Variants in ADAMTSL1 observed in about 807,000 individuals in gnomAD.
ADAMTSL1 encodes ADAMTS-like protein 1.
Under a neutral mutation model 201.8 loss-of-function variants are expected in ADAMTSL1, and 126 were observed. The observed-to-expected ratio is 0.62, with a 90% CI of 0.54 to 0.72. The LOEUF (loss-of-function observed/expected upper bound fraction) is 0.72, where lower values mean the gene tolerates loss of function less well. ADAMTSL1 is among the 30% of genes least tolerant of loss of function. ADAMTSL1 has a pLI of 0.00. For synonymous variants in ADAMTSL1, 1,121 were observed against 903.4 expected, an observed-to-expected ratio of 1.24 and a Z score of -4.32; for missense variants, 2,679 against 2,277.8, an observed-to-expected ratio of 1.18 and a Z score of -3.59.
At chr9:18,591,244 C>T (rs1668503413) in intron 4 of ADAMTSL1, among the ~76,000 whole-genome samples, 1 of 152,126 alleles carries the variant, frequency 6.6e-6, no homozygotes, top group African/African-American at 2.4e-5. Context: ...CATCCTCTTG[C>T]TGAATTAACT....
chr9:17,940,728 G>GAAAAAAAAAAAAAAAAAAGA (rs201856497), intron 1 of ADAMTSL1, among the ~76,000 whole-genome samples: 1 of 79,456 alleles, frequency 1.3e-5, no homozygotes, highest in Non-Finnish European at 2.4e-5. Flanking sequence ...AAAAAAAAAA[G>GAAAAAAAAAAAAAAAAAAGA]AAAAAAAAGA....
intron 1 of ADAMTSL1, among the ~76,000 whole-genome samples, chr9:18,494,594 T>C (rs1822437103): frequency 6.6e-6 from 1 of 152,138 alleles, no homozygotes; most frequent in African/African-American, 2.4e-5. Context: ...TACTGAAGTG[T>C]AGAGGCCATG....
Position 18,606,155 on chromosome 9 carries a change from C to T in ADAMTSL1, c.475-16088C>T, listed in dbSNP as rs116632719. The stretch of plus-strand genomic sequence containing the variant: ...CTCCCTCTCCCTCCTCCCCTCTCCT[C>T]AGTCATGCCAACTGCTACTGGAGAT... On this transcript the variant is annotated intron_variant, in intron 4 of 28. Transcript: ENST00000380548. Among the ~76,000 whole-genome samples the T allele has an allele frequency of 7.1e-3, 1,086 of 152,290 alleles. 13 individuals are homozygous for T. The highest frequency in any genetic ancestry group is 0.025 in the African/African-American group (1,035 of 41,562).
At chr9:18,575,654 A>C (rs1298104258) in intron 4 of ADAMTSL1, among the ~76,000 whole-genome samples, 2 of 152,212 alleles carry the variant, frequency 1.3e-5, no homozygotes, top group African/African-American at 4.8e-5. Flanking sequence ...AATGGCAAAC[A>C]AAAGAATAAT....
At chr9:18,143,221 C>T (rs1230875687) in intron 1 of ADAMTSL1, among the ~76,000 whole-genome samples, 2 of 152,196 alleles carry the variant, frequency 1.3e-5, no homozygotes, top group Non-Finnish European at 2.9e-5. Flanking sequence ...TCTGGATTGG[C>T]ATGTTCCCCT....
chr9:18,129,118 A>C (rs1004334276), intron 1 of ADAMTSL1, among the ~76,000 whole-genome samples: 1 of 152,200 alleles, frequency 6.6e-6, no homozygotes, highest in Non-Finnish European at 1.5e-5. Context: ...AGTGAAGAAT[A>C]AACTCTGGTC....
At chr9:18,171,509 A>G (rs943699124) in intron 2 of ADAMTSL1, among the ~76,000 whole-genome samples, 2 of 152,128 alleles carry the variant, frequency 1.3e-5, no homozygotes, top group African/African-American at 4.8e-5. Flanking sequence ...GCTGGAAGGT[A>G]TTCTTTGCAA....
chr9:18,180,120 T>A (rs1447198021), intron 2 of ADAMTSL1, among the ~76,000 whole-genome samples: 5 of 152,070 alleles, frequency 3.3e-5, no homozygotes, highest in African/African-American at 1.2e-4. Flanking sequence ...TGTGCTGTAT[T>A]CAGGAAACCC....
chr9:18,658,715 T>A (rs1272950811), intron 8 of ADAMTSL1, among the ~76,000 whole-genome samples: 3 of 152,242 alleles, frequency 2.0e-5, no homozygotes, highest in Non-Finnish European at 4.4e-5. Flanking sequence ...CATTTTCTGC[T>A]CATCATAATT....
intron 23 of ADAMTSL1, among the ~76,000 whole-genome samples, chr9:18,844,402 T>C (rs539441369): frequency 1.3e-5 from 2 of 152,262 alleles, no homozygotes; most frequent in East Asian, 3.9e-4. Context: ...GAAAGTTTTG[T>C]CTCAGAGGAG....
intron 4 of ADAMTSL1, among the ~76,000 whole-genome samples, chr9:18,614,726 T>C (rs10810995): frequency 0.62 from 93,808 of 151,852 alleles, 29,362 homozygotes; most frequent in East Asian, 0.76. Context: ...TATGTATTCG[T>C]AATAGCACCA....
chr9:18,062,546 A>T lies in ADAMTSL1; in HGVS notation c.88-101316A>T, dbSNP rs187925245. Among the ~76,000 whole-genome samples the T allele has an allele frequency of 6.6e-5, 10 of 152,272 alleles. No individual in the cohort carries two copies. In the East Asian group the frequency reaches 1.9e-3, roughly 29 times the overall value. On this transcript the variant is annotated intron_variant, in intron 1 of 29. Coordinates refer to the ADAMTSL1 transcript ENST00000680146. ...CAGGCTACCTAATATGTTTTGAGACATCTACCTTTAACTGTAAATGAAATA... is the reference window on the plus strand; with the variant it reads ...CAGGCTACCTAATATGTTTTGAGACTTCTACCTTTAACTGTAAATGAAATA...
chr9:18,336,977 G>A (rs1206136815), intron 2 of ADAMTSL1, among the ~76,000 whole-genome samples: 3 of 152,082 alleles, frequency 2.0e-5, no homozygotes, highest in Non-Finnish European at 2.9e-5. Context: ...TTGAATTAAT[G>A]CAGTGGGTTA....
chr9:18,222,783 A>G (rs1210753329), intron 2 of ADAMTSL1, among the ~76,000 whole-genome samples: 1 of 151,916 alleles, frequency 6.6e-6, no homozygotes, highest in Non-Finnish European at 1.5e-5. Context: ...TTGCCTGCAA[A>G]AACATCTTTA....
At chr9:18,648,874 G>A (rs1388452288) in intron 7 of ADAMTSL1, among the ~76,000 whole-genome samples, 3 of 152,132 alleles carry the variant, frequency 2.0e-5, no homozygotes, top group African/African-American at 4.8e-5. Flanking sequence ...TCTTGGAGTT[G>A]CTCTTCTCGA....
intron 1 of ADAMTSL1, among the ~76,000 whole-genome samples, chr9:17,983,189 G>T (rs1054282080): frequency 1.4e-4 from 21 of 151,522 alleles, no homozygotes; most frequent in African/African-American, 5.1e-4. Flanking sequence ...TCCTGCCTCA[G>T]CCTCCCGAGC....
intron 1 of ADAMTSL1, among the ~76,000 whole-genome samples, chr9:18,132,446 T>C (rs1204411492): frequency 2.0e-5 from 3 of 152,180 alleles, no homozygotes; most frequent in African/African-American, 4.8e-5. Flanking sequence ...AACAGTGTCT[T>C]CCTAACTACT....
At chr9:18,420,461 A>C (rs1278266836) in intron 2 of ADAMTSL1, among the ~76,000 whole-genome samples, 1 of 152,184 alleles carries the variant, frequency 6.6e-6, no homozygotes, top group Non-Finnish European at 1.5e-5. Flanking sequence ...GTAGGTAAGA[A>C]AGGCAGCAAG....
intron 1 of ADAMTSL1, among the ~76,000 whole-genome samples, chr9:17,940,890 A>G (rs915606699): frequency 3.8e-5 from 5 of 132,928 alleles, no homozygotes; most frequent in African/African-American, 1.3e-4. Flanking sequence ...TTCTGCACTT[A>G]AAGAAAATTC....
Sources: allele counts gnomAD v4.1 joint callset (sites outside exome capture counted in the v4.1 genomes callset), GRCh38; gene constraint gnomAD v4.1.1; transcripts MANE v1.5; gene names NCBI Gene and HGNC (gene_info 2026-07-23, HGNC 2026-07-21).